Variants in UNC5C observed in about 807,000 individuals in gnomAD.
UNC5C encodes the protein unc-5 netrin receptor C.
In UNC5C, 47 loss-of-function variants were observed where a neutral mutation model predicts 99.8. The observed-to-expected ratio is 0.47, with a 90% confidence interval of 0.37 to 0.60. The LOEUF is 0.60. Among genes scored for constraint, UNC5C ranks in the 20% least tolerant of loss-of-function variants. The pLI, the probability that UNC5C is intolerant of heterozygous loss-of-function variation, is 0.00. For missense variants in UNC5C, 1,062 were observed against 1,165.9 expected (o/e 0.91, Z 1.30); for synonymous variants, 487 against 452.2 (o/e 1.08, Z -0.98).
chr4:95,403,198 A>G (rs990261014), intron 1 of UNC5C, among the ~76,000 whole-genome samples: 2 of 152,218 alleles, frequency 1.3e-5, no homozygotes, highest in African/African-American at 4.8e-5. Context: ...GAGGCTTTTC[A>G]GAGTAAGGCC....
chr4:95,545,227 G>A lies in UNC5C; in HGVS notation c.124+3507C>T, dbSNP rs1170824162. 2.0e-5 allele frequency among the ~76,000 whole-genome samples: 3 copies of A among 152,164 alleles called. No individual in the cohort carries two copies. In the East Asian group the frequency reaches 5.8e-4, roughly 29 times the overall value. ...CAGTATCCAGAATACAGGAGTCCAGGGAGTCAATAAATGTCAGTTATAATC... is the reference window on the plus strand; with the variant it reads ...CAGTATCCAGAATACAGGAGTCCAGAGAGTCAATAAATGTCAGTTATAATC... On this transcript the variant is annotated intron_variant, in intron 1 of 15. Transcript: ENST00000453304.
At chr4:95,212,213 A>G (rs2149364559) in intron 10 of UNC5C, among the ~76,000 whole-genome samples, 1 of 152,214 alleles carries the variant, frequency 6.6e-6, no homozygotes, top group Non-Finnish European at 1.5e-5. Flanking sequence ...AACCATTGCT[A>G]AGGGGATTCC....
intron 1 of UNC5C, among the ~76,000 whole-genome samples, chr4:95,529,044 C>T (rs759341640): frequency 3.3e-5 from 5 of 151,206 alleles, no homozygotes; most frequent in Non-Finnish European, 5.9e-5. Flanking sequence ...TTTTCATATC[C>T]GTTTACCAGC....
chr4:95,457,371 C>T (rs265040), intron 1 of UNC5C, among the ~76,000 whole-genome samples: 100,789 of 151,970 alleles, frequency 0.66, 34,353 homozygotes, highest in East Asian at 0.97. Context: ...AGAAAACAAA[C>T]ATGAACATTA....
At chr4:95,404,976 C>T (rs1745795764) in intron 1 of UNC5C, among the ~76,000 whole-genome samples, 1 of 152,104 alleles carries the variant, frequency 6.6e-6, no homozygotes, top group Non-Finnish European at 1.5e-5. Context: ...GATCACTTTC[C>T]CACTCCATGC....
chr4:95,502,715 A>T (rs1721808423), intron 1 of UNC5C, among the ~76,000 whole-genome samples: 1 of 152,194 alleles, frequency 6.6e-6, no homozygotes, highest in African/African-American at 2.4e-5. Flanking sequence ...CATTATTACT[A>T]AAAATGAAAA....
chr4:95,314,292 G>T (rs1391735402), intron 2 of UNC5C, among the ~76,000 whole-genome samples: 1 of 152,112 alleles, frequency 6.6e-6, no homozygotes, highest in East Asian at 1.9e-4. Flanking sequence ...CTTTAGAAAT[G>T]GATTCTGAAC....
At chr4:95,429,920 A>G (rs1382742966) in intron 1 of UNC5C, among the ~76,000 whole-genome samples, 1 of 152,128 alleles carries the variant, frequency 6.6e-6, no homozygotes, top group Non-Finnish European at 1.5e-5. Context: ...AAGGCTACAT[A>G]CTGTATGATT....
intron 1 of UNC5C, among the ~76,000 whole-genome samples, chr4:95,450,685 A>G (rs1670431189): frequency 6.6e-6 from 1 of 152,234 alleles, no homozygotes; most frequent in Non-Finnish European, 1.5e-5. Flanking sequence ...CACAAACTGC[A>G]GTGCATGGCA....
chr4:95,250,402 A>C, intron 5 of UNC5C, 85 bp downstream of exon 5: 6 of 1,400,662 alleles, frequency 4.3e-6, no homozygotes, highest in Non-Finnish European at 5.9e-6. Context: ...ATGAAATTTT[A>C]AAAAAAGGGC....
intron 3 of UNC5C, among the ~76,000 whole-genome samples, chr4:95,283,580 G>A (rs1741134882): frequency 6.6e-6 from 1 of 152,220 alleles, no homozygotes; most frequent in African/African-American, 2.4e-5. Context: ...GGAGAGATGT[G>A]ATAGAAGGCA....
At chr4:95,476,373 T>C (rs265058) in intron 1 of UNC5C, among the ~76,000 whole-genome samples, 7 of 152,076 alleles carry the variant, frequency 4.6e-5, no homozygotes, top group Non-Finnish European at 7.4e-5. Flanking sequence ...ACAGGGTACT[T>C]TGCAGTCATA....
At chr4:95,426,366 C>G (rs963608060) in intron 1 of UNC5C, among the ~76,000 whole-genome samples, 11 of 152,218 alleles carry the variant, frequency 7.2e-5, no homozygotes, top group African/African-American at 2.4e-4. Flanking sequence ...TCTCATCTCT[C>G]TCTCTCTTCA....
At chr4:95,385,586 C>T in intron 1 of UNC5C, among the ~76,000 whole-genome samples, 1 of 152,112 alleles carries the variant, frequency 6.6e-6, no homozygotes, top group South Asian at 2.1e-4. Flanking sequence ...AGTGCTTATA[C>T]ACGGCCATGA....
intron 1 of UNC5C, among the ~76,000 whole-genome samples, chr4:95,382,860 T>A (rs1181817426): frequency 6.6e-6 from 1 of 152,176 alleles, no homozygotes; most frequent in Non-Finnish European, 1.5e-5. Flanking sequence ...TGTCAAATGC[T>A]CCATTGTCCA....
At chr4:95,180,704 A>G (rs1239618174) in intron 14 of UNC5C, among the ~76,000 whole-genome samples, 1 of 152,170 alleles carries the variant, frequency 6.6e-6, no homozygotes, top group African/African-American at 2.4e-5. Flanking sequence ...AGCTTTATAA[A>G]TGACGACTGG....
chr4:95,179,222 T>G (rs929590559), intron 14 of UNC5C, among the ~76,000 whole-genome samples: 15 of 152,336 alleles, frequency 9.8e-5, no homozygotes, highest in African/African-American at 3.4e-4. Context: ...CTAAAGTCGC[T>G]TAGAAAAACT....
Position 95,265,835 on chromosome 4 carries a change from A to G in UNC5C, c.594+12424T>C, listed in dbSNP as rs1005143297. ...GCGCAGGCTATAAGCTCCCAGAATC[A>G]TAATCTTCACCTGTACAAATGGAGG... On this transcript the variant is annotated intron_variant, in intron 4 of 15. Transcript: ENST00000453304. 2.0e-5 allele frequency among the ~76,000 whole-genome samples: 3 copies of G among 152,188 alleles called. No individual in the cohort carries two copies. The South Asian group carries it at 6.2e-4, about 31-fold the overall frequency.
intron 1 of UNC5C, among the ~76,000 whole-genome samples, chr4:95,436,184 T>G (rs1458988330): frequency 6.7e-6 from 1 of 148,598 alleles, no homozygotes; most frequent in Non-Finnish European, 1.5e-5. Context: ...ATTTATCTGA[T>G]GAAAAAAAAA....
Sources: gnomAD v4.1 joint callset for allele counts (sites outside exome capture counted in the v4.1 genomes callset) on GRCh38, gnomAD v4.1.1 for gene constraint, MANE v1.5 for transcripts, NCBI Gene and HGNC (gene_info 2026-07-23, HGNC 2026-07-21) for gene names.